ZBTB20: variants seen among roughly 807,000 people sequenced by gnomAD.
The protein encoded by ZBTB20 is zinc finger and BTB domain-containing protein 20.
A neutral mutation model predicts 56.9 loss-of-function variants in ZBTB20; 9 were observed. The ratio of observed to expected loss-of-function variants is 0.16; its 90% CI spans 0.10 to 0.28. The LOEUF is 0.28. Ranked by LOEUF, ZBTB20 falls within the 10% of genes least tolerant of loss-of-function variation. ZBTB20 has a pLI of 1.00. For missense variants in ZBTB20, 655 were observed against 1,003.0 expected (o/e 0.65, Z 4.69); for synonymous variants, 417 against 420.7 (o/e 0.99, Z 0.11).
intron 3 of ZBTB20, among the ~76,000 whole-genome samples, chr3:114,923,679 C>G (rs752655570): frequency 9.9e-5 from 15 of 151,806 alleles, no homozygotes; most frequent in Non-Finnish European, 2.1e-4. Context: ...GATATTGACA[C>G]GAAAAGCACA....
chr3:115,061,163 C>G (rs141459348), intron 2 of ZBTB20, among the ~76,000 whole-genome samples: 72 of 152,158 alleles, frequency 4.7e-4, no homozygotes, highest in African/African-American at 1.6e-3. Flanking sequence ...GTTAACACAT[C>G]TATAAATGGA....
chr3:114,542,134 A>T (rs1274682160), intron 6 of ZBTB20, among the ~76,000 whole-genome samples: 1 of 152,158 alleles, frequency 6.6e-6, no homozygotes, highest in Non-Finnish European at 1.5e-5. Flanking sequence ...TTTATAGCCT[A>T]CTATGGAATG....
intron 4 of ZBTB20, among the ~76,000 whole-genome samples, chr3:114,868,705 A>G (rs1428876328): frequency 6.6e-6 from 1 of 152,224 alleles, no homozygotes; most frequent in East Asian, 1.9e-4. Flanking sequence ...AGGACATTCA[A>G]AACACTTTTG....
intron 6 of ZBTB20, among the ~76,000 whole-genome samples, chr3:114,678,836 T>C (rs2061793577): frequency 6.6e-6 from 1 of 152,160 alleles, no homozygotes; most frequent in South Asian, 2.1e-4. Context: ...CTAGGCCTTA[T>C]AATAGACAAC....
chr3:115,104,314 A>C (rs967683704), intron 1 of ZBTB20, among the ~76,000 whole-genome samples: 1 of 152,218 alleles, frequency 6.6e-6, no homozygotes, highest in African/African-American at 2.4e-5. Context: ...AACTAAACAC[A>C]TATACAATCC....
At chr3:114,974,909 T>A (rs2078035172) in intron 2 of ZBTB20, among the ~76,000 whole-genome samples, 1 of 152,058 alleles carries the variant, frequency 6.6e-6, no homozygotes. Context: ...TAAACTCAGA[T>A]AAACCAAAGA....
In ZBTB20 at chr3:114,333,033, G is replaced by A. The variant is rs1184853846; in HGVS notation, c.*5972C>T. Reference sequence around the variant, plus strand: ...TGTTCCATAACCATTCCCAGGGATCGGCTAAGGTACATTGCTGACTGCTAT... The same window carrying A: ...TGTTCCATAACCATTCCCAGGGATCAGCTAAGGTACATTGCTGACTGCTAT... On this transcript the variant is annotated 3_prime_UTR_variant, in exon 12 of 12. Transcript: ENST00000675478. 3.9e-5 allele frequency: 6 copies of A among 152,130 alleles called. No homozygotes were observed. Among genetic ancestry groups the A allele is most frequent in the Admixed American group, 6.5e-5 (1 of 15,280 alleles). The allele number at this position is 152,130 out of a possible 1,614,324, so 9.4% of individuals were successfully genotyped here. A position where few individuals can be genotyped will look rare whatever the true frequency, so the allele number is the denominator to read the frequency against.
intron 5 of ZBTB20, among the ~76,000 whole-genome samples, chr3:114,732,049 T>C (rs1471108083): frequency 6.6e-6 from 1 of 152,212 alleles, no homozygotes; most frequent in Non-Finnish European, 1.5e-5. Flanking sequence ...TTCTATTGTC[T>C]AGCAAGCACC....
At chr3:114,417,901 G>A (rs1576667086) in intron 7 of ZBTB20, among the ~76,000 whole-genome samples, 1 of 151,998 alleles carries the variant, frequency 6.6e-6, no homozygotes, top group South Asian at 2.1e-4. Flanking sequence ...TATTGCACAT[G>A]AACTTGGATC....
chr3:115,017,539 ATAGTT>A (rs1421606955), intron 2 of ZBTB20, among the ~76,000 whole-genome samples: 4 of 151,600 alleles, frequency 2.6e-5, no homozygotes, highest in African/African-American at 9.7e-5. Context: ...GTATAAATTA[ATAGTT>A]TAAAGATGGC....
chr3:115,041,434 T>G (rs569912830), intron 2 of ZBTB20, among the ~76,000 whole-genome samples: 1 of 152,290 alleles, frequency 6.6e-6, no homozygotes, highest in East Asian at 1.9e-4. Context: ...TTGTCATGTT[T>G]CACAACTGAA....
chr3:114,542,694 G>A (rs988815430), intron 6 of ZBTB20, among the ~76,000 whole-genome samples: 4 of 152,172 alleles, frequency 2.6e-5, no homozygotes, highest in African/African-American at 9.7e-5. Flanking sequence ...CTACACAAAA[G>A]ATACATGTGT....
chr3:114,775,117 A>G (rs536920207), intron 5 of ZBTB20, among the ~76,000 whole-genome samples: 1 of 152,260 alleles, frequency 6.6e-6, no homozygotes, highest in East Asian at 1.9e-4. Context: ...ACTCATGCAG[A>G]ACAAAGCATG....
chr3:114,437,411 A>C (rs1459112590), intron 7 of ZBTB20, among the ~76,000 whole-genome samples: 1 of 152,122 alleles, frequency 6.6e-6, no homozygotes, highest in Non-Finnish European at 1.5e-5. Flanking sequence ...CACAAAGACT[A>C]TCTCTCCATC....
chr3:114,557,792 G>C (rs563443084), intron 6 of ZBTB20, among the ~76,000 whole-genome samples: 2 of 151,732 alleles, frequency 1.3e-5, no homozygotes, highest in African/African-American at 4.8e-5. Flanking sequence ...ATTGAGAAAT[G>C]ATTAAGATAA....
intron 4 of ZBTB20, among the ~76,000 whole-genome samples, chr3:114,811,246 G>C (rs888350145): frequency 1.3e-5 from 2 of 152,096 alleles, no homozygotes; most frequent in African/African-American, 2.4e-5. Context: ...GGCTCACTCA[G>C]GTTATACTTC....
chr3:115,100,672 ATG>A (rs1280837066), intron 1 of ZBTB20: 7 of 152,206 alleles, frequency 4.6e-5, no homozygotes, highest in Non-Finnish European at 8.8e-5. Flanking sequence ...ATGCTCCATT[ATG>A]AGGAATGTAT....
intron 5 of ZBTB20, among the ~76,000 whole-genome samples, chr3:114,757,862 G>T (rs1560215213): frequency 1.3e-5 from 2 of 151,928 alleles, no homozygotes; most frequent in Non-Finnish European, 1.5e-5. Context: ...AGAGTCATCT[G>T]ATTAATTTCT....
intron 6 of ZBTB20, among the ~76,000 whole-genome samples, chr3:114,667,276 A>T (rs1413972747): frequency 6.6e-6 from 1 of 152,060 alleles, no homozygotes; most frequent in Non-Finnish European, 1.5e-5. Context: ...CTGTAAACAA[A>T]ATAACTTTTA....
Sources: allele counts gnomAD v4.1 joint callset (sites outside exome capture counted in the v4.1 genomes callset), GRCh38; gene constraint gnomAD v4.1.1; transcripts MANE v1.5; gene names NCBI Gene and HGNC (gene_info 2026-07-23, HGNC 2026-07-21).